Variants in LHX5 observed in about 807,000 individuals in gnomAD.
LHX5 encodes the protein LIM homeobox 5.
LHX5 carries 5 observed loss-of-function variants against 30.6 expected under a neutral mutation model. The observed-to-expected ratio is 0.16, with a 90% CI of 0.09 to 0.34. The LOEUF (loss-of-function observed/expected upper bound fraction) is 0.34. Among genes scored for constraint, LHX5 ranks in the 10% least tolerant of loss-of-function variants. The probability of loss-of-function intolerance (pLI) is 1.00; values close to 1 mark genes in which losing one functional copy is unlikely to be tolerated. For missense variants in LHX5, 458 were observed against 570.6 expected (o/e 0.80, Z 2.01); for synonymous variants, 266 against 252.6 (o/e 1.05, Z -0.50).
At position 113,471,651 on chromosome 12, in the gene LHX5, GCAAT is replaced by G; in HGVS notation, c.-157_-154del. 1 of 746,080 alleles carries G rather than the reference GCAAT, an allele frequency of 1.3e-6. No individual in the cohort carries two copies. The highest frequency in any genetic ancestry group is 1.9e-5 in the South Asian group (1 of 51,650). The allele number at this position is 746,080 out of a possible 1,614,324, so 46.2% of individuals were successfully genotyped here. On this transcript the variant is annotated 5_prime_UTR_variant, in exon 1 of 5. Coordinates refer to ENST00000261731, the MANE Select transcript of LHX5 (RefSeq NM_022363.3). The stretch of plus-strand genomic sequence containing the variant: ...AAGACTCAGCCGGTCCAGTCCTTGG[GCAAT>G]CTCTGGCCTGGCGCTGGGCTGCCCG...
intron 1 of LHX5, among the ~76,000 whole-genome samples, chr12:113,470,930 T>C (rs1593329437): frequency 6.6e-6 from 1 of 152,198 alleles, no homozygotes; most frequent in East Asian, 1.9e-4. Context: ...ACATTCTGCC[T>C]GGAGCGAGAA....
rs1019546736 is a variant in LHX5 at position 113,463,810 on chromosome 12, CAGAGACGGGAG to C, written c.842-264_842-254del. Among the ~76,000 whole-genome samples, 10 of 152,138 alleles carry C rather than the reference CAGAGACGGGAG, an allele frequency of 6.6e-5. No individual in the cohort carries two copies. Among genetic ancestry groups the C allele is most frequent in the African/African-American group, 2.2e-4 (9 of 41,422 alleles). On this transcript the variant is annotated intron_variant, in intron 4 of 4. Transcript: ENST00000261731. The surrounding 1 kb of genome is among the most constrained non-coding windows in gnomAD (Gnocchi z 6.7). ...GACTCAGACTGCCAGAGACCACACACAGAGACGGGAGAGACTCCGAGACCGTGGGGGACACA... is the reference window on the plus strand; with the variant it reads ...GACTCAGACTGCCAGAGACCACACACAGACTCCGAGACCGTGGGGGACACA...
At chr12:113,469,079 G>A in intron 2 of LHX5, 43 bp downstream of exon 2, 1 of 1,453,072 alleles carries the variant, frequency 6.9e-7, no homozygotes, top group Non-Finnish European at 9.4e-7. Flanking sequence ...CACGGTGGGA[G>A]GGTGCTAAGG....
Position 113,471,507 on chromosome 12 carries a change from G to T in LHX5, c.-9C>A, listed in dbSNP as rs970840204. On this transcript the variant is annotated 5_prime_UTR_variant, in exon 1 of 5. Transcript: ENST00000261731. ...GCGCAGTGCACCATCATAGCCCCGCGCCCCGGCGGCTTCGGCCGCCTTGCC... is the reference window on the plus strand; with the variant it reads ...GCGCAGTGCACCATCATAGCCCCGCTCCCCGGCGGCTTCGGCCGCCTTGCC... 7.0e-6 allele frequency: 11 copies of T among 1,580,852 alleles called. No homozygotes were observed. The highest frequency in any genetic ancestry group is 8.6e-6 in the Non-Finnish European group (10 of 1,163,602).
Position 113,463,256 on chromosome 12 carries a change from G to C in LHX5, c.1143C>G (p.Gly381=). 6.5e-7 allele frequency: 1 copy of C among 1,527,024 alleles called. No homozygotes were observed. Among genetic ancestry groups the C allele is most frequent in the Non-Finnish European group, 8.8e-7 (1 of 1,141,544 alleles). The allele number at this position is 1,527,024 out of a possible 1,614,324, so 94.6% of individuals were successfully genotyped here. A position where few individuals can be genotyped will look rare whatever the true frequency, so the allele number is the denominator to read the frequency against. Residue 381 remains glycine (G), a synonymous_variant, in exon 5 of 5, where the codon GGC becomes GGG. Transcript: ENST00000261731. The surrounding 1 kb of genome is among the most constrained non-coding windows in gnomAD (Gnocchi z 6.7). Reference sequence around the variant, plus strand: ...ACAGGGGTCCGCTGTAGCCGCTGGTGCCGCTCATTGGGAAGGGCGGGCTGG... The same window carrying C: ...ACAGGGGTCCGCTGTAGCCGCTGGTCCCGCTCATTGGGAAGGGCGGGCTGG... ...GGPSPPFPMS[G]TSGYSGPLSH...
rs372562333 is a variant in LHX5 at position 113,469,099 on chromosome 12, A to T, written c.397+23T>A. ...TGGGAGGGTGCTAAGGCCTAAGGCT[A>T]GTGAGGGGCCCAGGCTTCCTACCTG... On this transcript the variant is annotated intron_variant, in intron 2 of 4. Coordinates refer to ENST00000261731, the MANE Select transcript of LHX5 (RefSeq NM_022363.3). 25 of 1,574,976 alleles carry T rather than the reference A, an allele frequency of 1.6e-5. No homozygotes were observed. The African/African-American group carries it at 3.0e-4, about 19-fold the overall frequency.
At position 113,471,780 on chromosome 12, in the gene LHX5, C is replaced by A; in HGVS notation, c.-282G>T. The A allele has an allele frequency of 2.3e-6, 1 of 428,724 alleles. No individual in the cohort carries two copies. The highest frequency in any genetic ancestry group is 4.1e-6 in the Non-Finnish European group (1 of 243,076). 26.6% of individuals were successfully genotyped at this position (428,724 alleles called of 1,614,324 possible). On this transcript the variant is annotated 5_prime_UTR_variant, in exon 1 of 5. Coordinates refer to ENST00000261731, the MANE Select transcript of LHX5 (RefSeq NM_022363.3). ...CTTCCCCAGGTATCTCGGGTGGCTG[C>A]TGGCCTCGGCGCTGCGGAGCGGCTT... is the stretch of plus-strand genomic sequence containing the variant.
At chr12:113,469,415 C>A in intron 1 of LHX5, 70 bp from the exon 2 acceptor site, 2 of 1,422,120 alleles carry the variant, frequency 1.4e-6, no homozygotes, top group African/African-American at 1.4e-5. Flanking sequence ...CTGACCTCTT[C>A]CCACCCGACC....
In LHX5 at chr12:113,467,169, G is replaced by A. The variant is rs562132810; in HGVS notation, c.841+87C>T. 4.3e-5 allele frequency: 55 copies of A among 1,282,700 alleles called. No homozygotes were observed. The South Asian group carries it at 9.1e-4, about 21-fold the overall frequency. The allele number at this position is 1,282,700 out of a possible 1,614,324, so 79.5% of individuals were successfully genotyped here. On this transcript the variant is annotated intron_variant, in intron 4 of 4. Transcript: ENST00000261731. The surrounding 1 kb of genome is among the most constrained non-coding windows in gnomAD (Gnocchi z 6.3). ...CAGCGAGTGGGCGATGTTCTGGAGC[G>A]GCGGAAAGCGTGCTGGCCGGGACCC...
chr12:113,462,094 T>C lies in LHX5; in HGVS notation c.*1096A>G, dbSNP rs1958176735. On this transcript the variant is annotated 3_prime_UTR_variant, in exon 5 of 5. Coordinates refer to ENST00000261731, the MANE Select transcript of LHX5 (RefSeq NM_022363.3). ...TTTAAAAAAAGTTGATTTTTTTTGT[T>C]TTTGTTTTTTGTTTTTTTTAGGTAA... 1 of 152,132 alleles carries C rather than the reference T, an allele frequency of 6.6e-6. No individual in the cohort carries two copies. Among genetic ancestry groups the C allele is most frequent in the Non-Finnish European group, 1.5e-5 (1 of 68,022 alleles). 9.4% of individuals were successfully genotyped at this position (152,132 alleles called of 1,614,324 possible).
At position 113,467,235 on chromosome 12, in the gene LHX5, G is replaced by A; in HGVS notation, c.841+21C>T. The A allele has an allele frequency of 1.4e-6, 2 of 1,426,374 alleles. No individual in the cohort carries two copies. Among genetic ancestry groups the A allele is most frequent in the Non-Finnish European group, 9.3e-7 (1 of 1,078,034 alleles). The allele number at this position is 1,426,374 out of a possible 1,614,324, so 88.4% of individuals were successfully genotyped here. On this transcript the variant is annotated intron_variant, in intron 4 of 4. Coordinates refer to ENST00000261731, the MANE Select transcript of LHX5 (RefSeq NM_022363.3). The surrounding 1 kb of genome is among the most constrained non-coding windows in gnomAD (Gnocchi z 6.3). ...CGGAATAGGACAGGTGCGGAACAGC[G>A]AATCCCGGGGCGCCCCTTACCTCCG...
Position 113,469,179 on chromosome 12 carries a change from C to T in LHX5, c.340G>A (p.Val114Met). The T allele has an allele frequency of 3.1e-6, 5 of 1,614,220 alleles. No homozygotes were observed. The highest frequency in any genetic ancestry group is 4.2e-6 in the Non-Finnish European group (5 of 1,180,040). The change falls in exon 2 of 5, where the codon GTG (valine) becomes ATG (methionine). Residue 114 changes from valine to methionine, a missense_variant. By Grantham distance (21) the Val-to-Met change is conservative. Around this residue, in one of 3 missense-constraint regions of LHX5, gnomAD observed 178 missense variants for 238.5 expected, o/e 0.75. Transcript: ENST00000261731. ...GAGCTCAGGTAGTCGTCTTTGCACA[C>T]GAACTTGTTCTCGTCGATGACGTAG... The part of the protein sequence containing the change: ...ELYVIDENKF[V>M]CKDDYLSSSS...
In LHX5 at chr12:113,469,194, C is replaced by T; in HGVS notation, c.325G>A (p.Asp109Asn). The T allele has an allele frequency of 3.1e-6, 5 of 1,614,262 alleles. No homozygotes were observed. Among genetic ancestry groups the T allele is most frequent in the Non-Finnish European group, 4.2e-6 (5 of 1,180,048 alleles). Residue 109 changes from aspartate to asparagine, a missense_variant, in exon 2 of 5, where the codon GAC becomes AAC. Asp to Asn is a conservative substitution (Grantham distance 23). Coordinates refer to ENST00000261731, the MANE Select transcript of LHX5 (RefSeq NM_022363.3). ...LSTGEELYVI[D>N]ENKFVCKDDY... Reference sequence around the variant, plus strand: ...TCTTTGCACACGAACTTGTTCTCGTCGATGACGTAGAGCTCCTCGCCGGTG... The same window carrying T: ...TCTTTGCACACGAACTTGTTCTCGTTGATGACGTAGAGCTCCTCGCCGGTG...
At chr12:113,470,348 G>C (rs577244260) in intron 1 of LHX5, among the ~76,000 whole-genome samples, 2 of 152,340 alleles carry the variant, frequency 1.3e-5, no homozygotes, top group African/African-American at 4.8e-5. Context: ...ATCCGGCAGC[G>C]TAATTGGCCA....
At position 113,465,271 on chromosome 12, in the gene LHX5, C is replaced by G. The variant is rs375787026; in HGVS notation, c.842-1714G>C. 2.0e-5 allele frequency among the ~76,000 whole-genome samples: 3 copies of G among 152,332 alleles called. No homozygotes were observed. The highest frequency in any genetic ancestry group is 2.1e-4 in the South Asian group (1 of 4,832). On this transcript the variant is annotated intron_variant, in intron 4 of 4. Coordinates refer to ENST00000261731, the MANE Select transcript of LHX5 (RefSeq NM_022363.3). This position sits in a 1 kb window ranked among gnomAD's most constrained non-coding sequence, Gnocchi z 6.7. ...AAGATGGGGAGCGGCAAATTTGGAG[C>G]CCCAAAGGGACAGGGATGGGAGACG...
chr12:113,463,391 C>T lies in LHX5; in HGVS notation c.1008G>A (p.Ala336=). ...LEPPLAGPHA[A]DNPRFTDMIS... The stretch of plus-strand genomic sequence containing the variant: ...TCATGTCGGTGAACCTGGGGTTGTC[C>T]GCGGCGTGCGGGCCGGCGAGCGGCG... Residue 336 remains alanine, a synonymous_variant, in exon 5 of 5, where the codon GCG becomes GCA. Transcript: ENST00000261731. The surrounding 1 kb of genome is among the most constrained non-coding windows in gnomAD (Gnocchi z 6.7). 1 of 1,554,596 alleles carries T rather than the reference C, an allele frequency of 6.4e-7. No individual in the cohort carries two copies.
chr12:113,463,598 G>C lies in LHX5; in HGVS notation c.842-41C>G. The stretch of plus-strand genomic sequence containing the variant: ...GGGAAGGAGACAGGGCGCGGTGAGA[G>C]AAGGCGAAGTAGGCGGGGGACCCGG... On this transcript the variant is annotated intron_variant, in intron 4 of 4. Coordinates refer to ENST00000261731, the MANE Select transcript of LHX5 (RefSeq NM_022363.3). This position sits in a 1 kb window ranked among gnomAD's most constrained non-coding sequence, Gnocchi z 6.7. 6.8e-7 allele frequency: 1 copy of C among 1,478,032 alleles called. No individual in the cohort carries two copies. The highest frequency in any genetic ancestry group is 8.9e-7 in the Non-Finnish European group (1 of 1,120,562). 91.6% of individuals were successfully genotyped at this position (1,478,032 alleles called of 1,614,324 possible).
chr12:113,463,440 G>C lies in LHX5; in HGVS notation c.959C>G (p.Ser320Trp). Residue 320 changes from serine to tryptophan, a missense_variant, in exon 5 of 5, where the codon TCG becomes TGG. Physicochemically the swap from Ser to Trp is radical, Grantham distance 177 (BLOSUM62 -3). Transcript: ENST00000261731. This position sits in a 1 kb window ranked among gnomAD's most constrained non-coding sequence, Gnocchi z 6.7. The part of the protein sequence containing the change: ...SSFLAASGPG[S>W]TPLGALEPPL... ...CGGTTCCAGCGCTCCCAGCGGCGTC[G>C]AGCCGGGGCCAGAGGCCGCCAGGAA... 1 of 1,554,994 alleles carries C rather than the reference G, an allele frequency of 6.4e-7. No homozygotes were observed. The highest frequency in any genetic ancestry group is 8.7e-7 in the Non-Finnish European group (1 of 1,153,540).
rs1482642667 is a variant in LHX5 at position 113,465,339 on chromosome 12, C to T, written c.842-1782G>A. ...GCCGGAAAACCAGCGAAGGCCGCTGCCCCCGCGCCGTGCGCGCCGCCTCCG... is the reference window on the plus strand; with the variant it reads ...GCCGGAAAACCAGCGAAGGCCGCTGTCCCCGCGCCGTGCGCGCCGCCTCCG... On this transcript the variant is annotated intron_variant, in intron 4 of 4. Coordinates refer to ENST00000261731, the MANE Select transcript of LHX5 (RefSeq NM_022363.3). The surrounding 1 kb of genome is among the most constrained non-coding windows in gnomAD (Gnocchi z 6.7). 2.0e-5 allele frequency among the ~76,000 whole-genome samples: 3 copies of T among 152,234 alleles called. No individual in the cohort carries two copies. The highest frequency in any genetic ancestry group is 2.1e-4 in the South Asian group (1 of 4,838).
Sources: gnomAD v4.1 joint callset for allele counts (sites outside exome capture counted in the v4.1 genomes callset) on GRCh38, gnomAD v4.1.1 for gene constraint, gnomAD v4.1.1 regional missense constraint, Gnocchi (gnomAD v3.1) non-coding constraint, MANE v1.5 for transcripts, NCBI Gene and HGNC (gene_info 2026-07-23, HGNC 2026-07-21) for gene names.